The following IGF2BP3 variants were observed in gnomAD, a reference collection of about 807,000 sequenced individuals.
IGF2BP3 encodes the protein insulin-like growth factor 2 mRNA-binding protein 3.
A neutral mutation model predicts 73.8 loss-of-function variants in IGF2BP3; 9 were observed. That is an observed-to-expected ratio of 0.12 (90% CI 0.07 to 0.21). IGF2BP3 has a LOEUF of 0.21. IGF2BP3 is among the 10% of genes least tolerant of loss of function. IGF2BP3 has a pLI of 1.00. For missense variants in IGF2BP3, 542 were observed against 714.0 expected, an observed-to-expected ratio of 0.76 and a Z score of 2.75; for synonymous variants, 258 against 256.7, an observed-to-expected ratio of 1.01 and a Z score of -0.05.
intron 3 of IGF2BP3, among the ~76,000 whole-genome samples, chr7:23,363,825 T>C (rs1445320550): frequency 6.6e-6 from 1 of 152,246 alleles, no homozygotes; most frequent in Non-Finnish European, 1.5e-5. Context: ...GCTTGTCTGT[T>C]TTATAGGTGA....
chr7:23,321,485 G>A (rs556891896), intron 10 of IGF2BP3, among the ~76,000 whole-genome samples: 44 of 152,326 alleles, frequency 2.9e-4, no homozygotes, highest in African/African-American at 6.5e-4. Context: ...AGGCGGCAGC[G>A]AGGCTGGGGG....
chr7:23,469,000 G>A lies in IGF2BP3; in HGVS notation c.176-458C>T, dbSNP rs967210704. On this transcript the variant is annotated intron_variant, in intron 1 of 14. Transcript: ENST00000258729. ...TCAGCGGTGGGCTTGAGGAAGACAG[G>A]GAGTGGCGAGAAAGGGTCGGGGACG... Among the ~76,000 whole-genome samples the A allele has an allele frequency of 2.6e-5, 4 of 152,348 alleles. No individual in the cohort carries two copies. The East Asian group carries it at 7.7e-4, about 29-fold the overall frequency.
At chr7:23,317,600 T>A in intron 12 of IGF2BP3, 39 bp downstream of exon 12, 1 of 1,500,798 alleles carries the variant, frequency 6.7e-7, no homozygotes, top group African/African-American at 1.4e-5. Flanking sequence ...CCTGTGCATT[T>A]GTTACCTGTG....
chr7:23,352,026 C>G (rs1784976113), intron 5 of IGF2BP3, among the ~76,000 whole-genome samples: 1 of 152,192 alleles, frequency 6.6e-6, no homozygotes, highest in Non-Finnish European at 1.5e-5. Context: ...ATACTTCCTT[C>G]ACTTCAGCCT....
chr7:23,462,231 T>C (rs1788464925), intron 2 of IGF2BP3, among the ~76,000 whole-genome samples: 1 of 152,202 alleles, frequency 6.6e-6, no homozygotes. Flanking sequence ...TATGCAGCAA[T>C]AGATAACTGA....
At chr7:23,406,247 T>C (rs1786826929) in intron 3 of IGF2BP3, among the ~76,000 whole-genome samples, 1 of 152,174 alleles carries the variant, frequency 6.6e-6, no homozygotes. Flanking sequence ...TGGACATGTA[T>C]ACAGTTACAG....
At chr7:23,367,537 C>A (rs1372231939) in intron 3 of IGF2BP3, among the ~76,000 whole-genome samples, 1 of 151,568 alleles carries the variant, frequency 6.6e-6, no homozygotes, top group African/African-American at 2.4e-5. Context: ...AATCTTAAAC[C>A]AGAAAGGAAA....
Position 23,361,552 on chromosome 7 carries a change from C to T in IGF2BP3, c.383G>A (p.Ser128Asn), listed in dbSNP as rs368084654. 6.2e-6 allele frequency: 10 copies of T among 1,612,400 alleles called. No individual in the cohort carries two copies. In the African/African-American group the frequency reaches 9.3e-5, roughly 15 times the overall value. Residue 128 changes from serine to asparagine, a missense_variant, in exon 5 of 15, where the codon AGT (serine) becomes AAT (asparagine). Ser to Asn is a conservative substitution (Grantham distance 46). Transcript: ENST00000258729. ...TGCTTACTGTCTAGCTTGGTCCTTACTGGAATAGGTTACATTTACAACTGC... is the reference window on the plus strand; with the variant it reads ...TGCTTACTGTCTAGCTTGGTCCTTATTGGAATAGGTTACATTTACAACTGC... ...ETAVVNVTYS[S>N]KDQARQALDK...
chr7:23,401,764 C>CA (rs1353664799), intron 3 of IGF2BP3, among the ~76,000 whole-genome samples: 11 of 143,160 alleles, frequency 7.7e-5, no homozygotes, highest in South Asian at 4.5e-4. Flanking sequence ...GACTCGTCTC[C>CA]AAAAAAAAAG....
chr7:23,427,413 A>C (rs1161915359), intron 2 of IGF2BP3, among the ~76,000 whole-genome samples: 1 of 152,122 alleles, frequency 6.6e-6, no homozygotes, highest in Non-Finnish European at 1.5e-5. Context: ...TCTCCAAAAT[A>C]AACCAACTTT....
Position 23,391,851 on chromosome 7 carries a change from A to C in IGF2BP3, c.285+26925T>G, listed in dbSNP as rs183543205. On this transcript the variant is annotated intron_variant, in intron 3 of 14. Coordinates refer to ENST00000258729, the MANE Select transcript of IGF2BP3 (RefSeq NM_006547.3). Reference sequence around the variant, plus strand: ...GTAAGAACTTGAGGCAAGGAGAAGGAATGTTTCTGTTTTTACAAGTGAATG... The same window carrying C: ...GTAAGAACTTGAGGCAAGGAGAAGGCATGTTTCTGTTTTTACAAGTGAATG... Among the ~76,000 whole-genome samples, 4 of 152,346 alleles carry C rather than the reference A, an allele frequency of 2.6e-5. No individual in the cohort carries two copies. In the East Asian group the frequency reaches 7.7e-4, roughly 29 times the overall value.
At chr7:23,464,077 T>C (rs149964260) in intron 2 of IGF2BP3, among the ~76,000 whole-genome samples, 1 of 152,328 alleles carries the variant, frequency 6.6e-6, no homozygotes, top group East Asian at 1.9e-4. Flanking sequence ...TTAAACGTTC[T>C]ACATTAAAAA....
At chr7:23,401,511 T>C (rs1786663161) in intron 3 of IGF2BP3, among the ~76,000 whole-genome samples, 1 of 149,930 alleles carries the variant, frequency 6.7e-6, no homozygotes, top group African/African-American at 2.5e-5. Context: ...ACGCCTGTAA[T>C]TTCAGTACTT....
At chr7:23,353,071 C>G (rs1057034992) in intron 5 of IGF2BP3, among the ~76,000 whole-genome samples, 61 of 152,150 alleles carry the variant, frequency 4.0e-4, no homozygotes, top group Admixed American at 2.4e-3. Context: ...CAGTGCACAA[C>G]AAAATGAAAA....
chr7:23,364,589 G>A (rs1007565466), intron 3 of IGF2BP3, among the ~76,000 whole-genome samples: 2 of 149,754 alleles, frequency 1.3e-5, no homozygotes, highest in Non-Finnish European at 3.0e-5. Flanking sequence ...GTTGGGGGGT[G>A]GGGGGTGGCG....
chr7:23,332,054 T>C (rs1210649176), intron 10 of IGF2BP3, among the ~76,000 whole-genome samples: 7 of 151,926 alleles, frequency 4.6e-5, no homozygotes, highest in Admixed American at 1.3e-4. Flanking sequence ...GAGAACTCAC[T>C]ATCACAAGAA....
At chr7:23,341,989 A>C (rs775531522) in intron 10 of IGF2BP3, 75 bp downstream of exon 10, 2 of 1,427,218 alleles carry the variant, frequency 1.4e-6, no homozygotes, top group Non-Finnish European at 1.8e-6. Context: ...GCATCTAAAC[A>C]GATGATCACG....
At chr7:23,417,147 AC>A (rs1787214693) in intron 3 of IGF2BP3, among the ~76,000 whole-genome samples, 1 of 152,182 alleles carries the variant, frequency 6.6e-6, no homozygotes, top group Non-Finnish European at 1.5e-5. Flanking sequence ...GGAAAGAAAC[AC>A]CTAACAGCAG....
At chr7:23,462,518 C>A (rs7798282) in intron 2 of IGF2BP3, among the ~76,000 whole-genome samples, 58,164 of 151,794 alleles carry the variant, frequency 0.38, 11,979 homozygotes, top group African/African-American at 0.52. Flanking sequence ...ACCGCCACCA[C>A]GCCCGGTTAA....
Sources: allele counts gnomAD v4.1 joint callset (sites outside exome capture counted in the v4.1 genomes callset), GRCh38; gene constraint gnomAD v4.1.1; transcripts MANE v1.5; gene names NCBI Gene and HGNC (gene_info 2026-07-23, HGNC 2026-07-21).